TFDP2: variants seen among roughly 807,000 people sequenced by gnomAD.
TFDP2 encodes transcription factor Dp-2.
A neutral mutation model predicts 59.3 loss-of-function variants in TFDP2; 17 were observed. That is an observed-to-expected ratio of 0.29 (90% confidence interval 0.20 to 0.43). The LOEUF (loss-of-function observed/expected upper bound fraction) is 0.43, where lower values mean the gene tolerates loss of function less well. TFDP2 is among the 20% of genes least tolerant of loss of function. The pLI is 1.00. For missense variants in TFDP2, 391 were observed against 528.8 expected, an observed-to-expected ratio of 0.74 and a Z score of 2.56; for synonymous variants, 180 against 194.7, an observed-to-expected ratio of 0.92 and a Z score of 0.63.
intron 3 of TFDP2, among the ~76,000 whole-genome samples, chr3:142,050,865 A>G (rs1947593121): frequency 7.9e-6 from 1 of 125,804 alleles, no homozygotes; most frequent in African/African-American, 2.9e-5. Flanking sequence ...CAATCAATCA[A>G]TCAGGAGATT....
chr3:142,122,288 A>G (rs1560167645), intron 1 of TFDP2, among the ~76,000 whole-genome samples: 1 of 152,126 alleles, frequency 6.6e-6, no homozygotes, highest in African/African-American at 2.4e-5. Flanking sequence ...GCAAACTTAC[A>G]CTATCTGTAC....
At chr3:142,095,884 T>C (rs1033457418) in intron 2 of TFDP2, among the ~76,000 whole-genome samples, 3 of 152,210 alleles carry the variant, frequency 2.0e-5, no homozygotes, top group Admixed American at 1.3e-4. Context: ...TGATACAATA[T>C]AACCATTTAA....
At chr3:141,988,669 C>CTTTTTTTTTT (rs540352017) in intron 6 of TFDP2, among the ~76,000 whole-genome samples, 7 of 125,690 alleles carry the variant, frequency 5.6e-5, no homozygotes, top group East Asian at 2.3e-4. Flanking sequence ...CTTTTCTTTT[C>CTTTTTTTTTT]TTTTTTTTTT....
At chr3:142,032,929 C>A (rs1222998848) in intron 3 of TFDP2, among the ~76,000 whole-genome samples, 1 of 152,192 alleles carries the variant, frequency 6.6e-6, no homozygotes, top group Non-Finnish European at 1.5e-5. Flanking sequence ...GGCGCAGTGG[C>A]TTATGCTTGT....
intron 1 of TFDP2, among the ~76,000 whole-genome samples, chr3:142,114,414 T>C (rs1199708560): frequency 6.6e-6 from 1 of 152,190 alleles, no homozygotes; most frequent in African/African-American, 2.4e-5. Context: ...ATATAAAGTA[T>C]TAAATAGTTT....
In TFDP2 at chr3:142,117,499, G is replaced by GAAGGGAGGTGAAAA. The variant is rs1410948971; in HGVS notation, c.-92-15672_-92-15659dup. Among the ~76,000 whole-genome samples the GAAGGGAGGTGAAAA allele has an allele frequency of 8.5e-5, 13 of 152,098 alleles. No homozygotes were observed. In the South Asian group the frequency reaches 2.5e-3, roughly 29 times the overall value. On this transcript the variant is annotated intron_variant, in intron 1 of 12. Transcript: ENST00000489671. ...AAGCCTGTGGATGTATAGGGAGAGT[G>GAAGGGAGGTGAAAA]AAGGGAGGTGAAAAAGACTCTGTGA...
At chr3:141,988,795 A>T (rs192775180) in intron 6 of TFDP2, among the ~76,000 whole-genome samples, 214 of 150,626 alleles carry the variant, frequency 1.4e-3, no homozygotes, top group Non-Finnish European at 2.4e-3. Flanking sequence ...CAGCCTCCCG[A>T]GTAGTTACAG....
intron 4 of TFDP2, among the ~76,000 whole-genome samples, chr3:142,003,671 G>C (rs528664692): frequency 6.6e-6 from 1 of 152,320 alleles, no homozygotes; most frequent in African/African-American, 2.4e-5. Flanking sequence ...GAAGTAGGGG[G>C]ACAAATTAAG....
intron 1 of TFDP2, among the ~76,000 whole-genome samples, chr3:142,111,521 A>C (rs960670067): frequency 1.3e-5 from 2 of 152,062 alleles, no homozygotes; most frequent in African/African-American, 4.8e-5. Flanking sequence ...GAAGAAGTCA[A>C]GTTTGAGCTG....
At chr3:141,979,338 T>A (rs1046870898) in intron 6 of TFDP2, among the ~76,000 whole-genome samples, 1 of 152,242 alleles carries the variant, frequency 6.6e-6, no homozygotes, top group Non-Finnish European at 1.5e-5. Context: ...ATGTTACTGG[T>A]TTCTGTATTT....
At chr3:142,005,641 T>A in intron 3 of TFDP2, 97 bp from the exon 4 acceptor site, 1 of 724,594 alleles carries the variant, frequency 1.4e-6, no homozygotes, top group South Asian at 2.2e-5. Context: ...TATGTTGAGG[T>A]AATTTATAAT....
intron 3 of TFDP2, among the ~76,000 whole-genome samples, chr3:142,052,995 A>C (rs897994396): frequency 1.3e-5 from 2 of 151,854 alleles, no homozygotes; most frequent in Admixed American, 1.3e-4. Flanking sequence ...TTTTTAGTAG[A>C]GATGGGGTTT....
intron 1 of TFDP2, among the ~76,000 whole-genome samples, chr3:142,108,839 C>T (rs979960135): frequency 1.5e-4 from 23 of 152,138 alleles, no homozygotes; most frequent in African/African-American, 5.3e-4. Flanking sequence ...AGTTCAAAAC[C>T]GTGCTCCTCC....
chr3:142,010,682 C>T (rs1205928058), intron 3 of TFDP2, among the ~76,000 whole-genome samples: 1 of 149,872 alleles, frequency 6.7e-6, no homozygotes, highest in East Asian at 1.9e-4. Flanking sequence ...ATTTTCGCAA[C>T]CTACTCGTCT....
At chr3:141,998,777 T>C (rs1041216695) in intron 4 of TFDP2, among the ~76,000 whole-genome samples, 3 of 152,104 alleles carry the variant, frequency 2.0e-5, no homozygotes, top group Non-Finnish European at 4.4e-5. Flanking sequence ...TCTCTGACAA[T>C]AGAATTAGTT....
intron 3 of TFDP2, chr3:142,028,772 T>C: frequency 1.1e-6 from 1 of 948,678 alleles, no homozygotes; most frequent in Non-Finnish European, 1.3e-6. Flanking sequence ...AAAAGACATA[T>C]GAATACTGTT....
chr3:142,009,683 C>A (rs1944494805), intron 3 of TFDP2, among the ~76,000 whole-genome samples: 1 of 148,156 alleles, frequency 6.7e-6, no homozygotes, highest in Non-Finnish European at 1.5e-5. Context: ...GCACTCCAGC[C>A]TGGGCAACAA....
At chr3:142,085,731 T>C (rs776768373) in intron 3 of TFDP2, among the ~76,000 whole-genome samples, 1 of 152,222 alleles carries the variant, frequency 6.6e-6, no homozygotes. Flanking sequence ...CCTCTTGTCC[T>C]ACTTCCCATT....
intron 3 of TFDP2, among the ~76,000 whole-genome samples, chr3:142,048,391 T>A (rs756255533): frequency 6.7e-6 from 1 of 148,196 alleles, no homozygotes; most frequent in Non-Finnish European, 1.5e-5. Flanking sequence ...CCAGTCTGGA[T>A]GACAGAGAGA....
Sources: gnomAD v4.1 joint callset for allele counts (sites outside exome capture counted in the v4.1 genomes callset) on GRCh38, gnomAD v4.1.1 for gene constraint, MANE v1.5 for transcripts, NCBI Gene and HGNC (gene_info 2026-07-23, HGNC 2026-07-21) for gene names.